Variants in WDFY2 observed in about 807,000 individuals in gnomAD.
WDFY2 encodes the protein WD repeat and FYVE domain containing 2, also known as WD repeat and FYVE domain-containing protein 2.
Under a neutral mutation model 56.4 loss-of-function variants are expected in WDFY2, and 36 were observed. The observed-to-expected ratio is 0.64, with a 90% CI of 0.49 to 0.84. The LOEUF is 0.84. WDFY2 is among the 40% of genes least tolerant of loss of function. WDFY2 has a pLI of 0.00. For missense variants in WDFY2, 444 were observed against 512.2 expected (o/e 0.87, Z 1.29); for synonymous variants, 176 against 183.7 (o/e 0.96, Z 0.34).
chr13:51,693,958 G>C (rs1395678513), intron 3 of WDFY2, among the ~76,000 whole-genome samples: 2 of 151,482 alleles, frequency 1.3e-5, no homozygotes, highest in African/African-American at 2.4e-5. Flanking sequence ...TGTCTCTTTT[G>C]ATCTTTGTTG....
At chr13:51,639,012 T>G (rs995223630) in intron 1 of WDFY2, among the ~76,000 whole-genome samples, 2 of 152,182 alleles carry the variant, frequency 1.3e-5, no homozygotes, top group African/African-American at 4.8e-5. Context: ...AAACAGAAGT[T>G]TCTGTTTCTA....
intron 1 of WDFY2, among the ~76,000 whole-genome samples, chr13:51,647,899 C>T (rs549909709): frequency 5.3e-5 from 8 of 152,108 alleles, no homozygotes; most frequent in African/African-American, 1.7e-4. Flanking sequence ...GTCAGTTTAG[C>T]AACTGTGTCT....
intron 2 of WDFY2, among the ~76,000 whole-genome samples, chr13:51,662,257 C>T (rs893267813): frequency 3.3e-5 from 5 of 152,298 alleles, no homozygotes; most frequent in South Asian, 2.1e-4. Context: ...TGAGCCACCA[C>T]GCCTAGCCTT....
intron 1 of WDFY2, among the ~76,000 whole-genome samples, chr13:51,605,325 C>G (rs1954365668): frequency 6.6e-6 from 1 of 152,158 alleles, no homozygotes; most frequent in Non-Finnish European, 1.5e-5. Context: ...ACGCAACACC[C>G]CATTACCTGG....
chr13:51,675,203 CAAG>C lies in WDFY2; in HGVS notation c.244_246del (p.Arg82del). ...TCATGCATGTCTTTTAACCCGGAAA[CAAG>C]AAGACTGTCCATAGGTCTAGACAAT... is the stretch of plus-strand genomic sequence containing the variant. On this transcript the variant is annotated inframe_deletion, in exon 3 of 12. Transcript: ENST00000298125. 1 of 1,613,964 alleles carries C rather than the reference CAAG, an allele frequency of 6.2e-7. No homozygotes were observed. Among genetic ancestry groups the C allele is most frequent in the South Asian group, 1.1e-5 (1 of 91,072 alleles).
At chr13:51,659,978 A>G (rs1449363772) in intron 1 of WDFY2, among the ~76,000 whole-genome samples, 2 of 152,252 alleles carry the variant, frequency 1.3e-5, no homozygotes, top group Admixed American at 1.3e-4. Context: ...GGCAAAGGTC[A>G]GATGCTTGGA....
intron 1 of WDFY2, among the ~76,000 whole-genome samples, chr13:51,618,692 C>A (rs1004425632): frequency 6.6e-6 from 1 of 152,196 alleles, no homozygotes; most frequent in Non-Finnish European, 1.5e-5. Context: ...CACTGCAAAC[C>A]CTCATTGCTA....
intron 3 of WDFY2, among the ~76,000 whole-genome samples, chr13:51,676,175 G>GTCTTCAC (rs1566108565): frequency 6.6e-6 from 1 of 152,186 alleles, no homozygotes; most frequent in Non-Finnish European, 1.5e-5. Flanking sequence ...TGCTTCCAGA[G>GTCTTCAC]TCTTCACTGA....
rs771956579 is a variant in WDFY2, at chr13:51,660,679, G to T, written c.205+16G>T. 1.2e-6 allele frequency: 2 copies of T among 1,611,246 alleles called. No homozygotes were observed. Among genetic ancestry groups the T allele is most frequent in the South Asian group, 2.2e-5 (2 of 90,808 alleles). On this transcript the variant is annotated intron_variant, in intron 2 of 11. Coordinates refer to ENST00000298125, the MANE Select transcript of WDFY2 (RefSeq NM_052950.4). ...GCAATGCCTTGTAAGTATCCAAATCGCTGTCTTGAAAAACCAGACATGTCC... is the reference window on the plus strand; with the variant it reads ...GCAATGCCTTGTAAGTATCCAAATCTCTGTCTTGAAAAACCAGACATGTCC...
chr13:51,730,920 TC>T (rs1489628199), intron 6 of WDFY2, among the ~76,000 whole-genome samples: 1 of 152,072 alleles, frequency 6.6e-6, no homozygotes, highest in Admixed American at 6.5e-5. Flanking sequence ...AAGAGTCACT[TC>T]CCATCACTGA....
chr13:51,641,460 AAAGTGGTTAT>A (rs1484994480), intron 1 of WDFY2, among the ~76,000 whole-genome samples: 1 of 152,180 alleles, frequency 6.6e-6, no homozygotes, highest in East Asian at 1.9e-4. Flanking sequence ...ATAGCAAAGA[AAAGTGGTTAT>A]AATCTAATGA....
At chr13:51,662,943 T>C (rs146524357) in intron 2 of WDFY2, among the ~76,000 whole-genome samples, 39 of 152,314 alleles carry the variant, frequency 2.6e-4, no homozygotes, top group African/African-American at 8.7e-4. Context: ...TGAGAACTTA[T>C]TAGAAATGTA....
At chr13:51,681,684 G>A (rs1593407745) in intron 3 of WDFY2, among the ~76,000 whole-genome samples, 1 of 152,116 alleles carries the variant, frequency 6.6e-6, no homozygotes, top group Non-Finnish European at 1.5e-5. Flanking sequence ...TATTACATAT[G>A]TAATATATGA....
chr13:51,747,764 C>G (rs1173188985), intron 7 of WDFY2, among the ~76,000 whole-genome samples: 1 of 152,190 alleles, frequency 6.6e-6, no homozygotes, highest in African/African-American at 2.4e-5. Context: ...CTTCTTGGCT[C>G]AAGCAGTCCT....
chr13:51,630,840 G>A (rs556030399), intron 1 of WDFY2, among the ~76,000 whole-genome samples: 51 of 150,220 alleles, frequency 3.4e-4, no homozygotes, highest in African/African-American at 1.2e-3. Flanking sequence ...GTGCAGTGGC[G>A]CTATCTCGGG....
intron 1 of WDFY2, among the ~76,000 whole-genome samples, chr13:51,608,791 T>C (rs541971712): frequency 1.3e-5 from 2 of 152,224 alleles, no homozygotes; most frequent in African/African-American, 2.4e-5. Context: ...TAATTAAATA[T>C]ATTTTTGAAC....
At chr13:51,671,496 G>A (rs1955805787) in intron 2 of WDFY2, among the ~76,000 whole-genome samples, 1 of 151,992 alleles carries the variant, frequency 6.6e-6, no homozygotes, top group South Asian at 2.1e-4. Flanking sequence ...AAGTTTGTTG[G>A]CCATTTGTAT....
intron 1 of WDFY2, among the ~76,000 whole-genome samples, chr13:51,603,367 G>A (rs533031196): frequency 1.7e-4 from 26 of 152,248 alleles, no homozygotes; most frequent in African/African-American, 6.0e-4. Context: ...ATGCCTGGTA[G>A]GGCCTGGAGC....
At chr13:51,692,505 T>A (rs1016437233) in intron 3 of WDFY2, among the ~76,000 whole-genome samples, 2 of 152,214 alleles carry the variant, frequency 1.3e-5, no homozygotes, top group Non-Finnish European at 2.9e-5. Flanking sequence ...TTTATTGATT[T>A]GCGTATATTG....
Sources: gnomAD v4.1 joint callset for allele counts (sites outside exome capture counted in the v4.1 genomes callset) on GRCh38, gnomAD v4.1.1 for gene constraint, MANE v1.5 for transcripts, NCBI Gene and HGNC (gene_info 2026-07-23, HGNC 2026-07-21) for gene names.